RIMS2: variants seen among roughly 807,000 people sequenced by gnomAD.
The protein encoded by RIMS2 is regulating synaptic membrane exocytosis protein 2.
Under a neutral mutation model 174.4 loss-of-function variants are expected in RIMS2, and 59 were observed. That is an observed-to-expected ratio of 0.34 (90% CI 0.27 to 0.42). The LOEUF is 0.42. RIMS2 is among the 10% of genes least tolerant of loss of function. RIMS2 has a pLI of 1.00. For synonymous variants in RIMS2, 606 were observed against 572.5 expected, an observed-to-expected ratio of 1.06 and a Z score of -0.84; for missense variants, 1,620 against 1,666.3, an observed-to-expected ratio of 0.97 and a Z score of 0.48.
At chr8:103,947,545 A>G (rs912484108) in intron 14 of RIMS2, among the ~76,000 whole-genome samples, 11 of 152,222 alleles carry the variant, frequency 7.2e-5, no homozygotes, top group Non-Finnish European at 1.0e-4. Context: ...TAACGCAATG[A>G]TAAGTATTTG....
At chr8:104,039,856 T>C (rs532650214) in intron 19 of RIMS2, among the ~76,000 whole-genome samples, 105 of 151,686 alleles carry the variant, frequency 6.9e-4, no homozygotes, top group African/African-American at 2.5e-3. Context: ...AATCTGAAGA[T>C]TTTTTTTCTA....
At chr8:103,979,888 T>C (rs1241432661) in intron 16 of RIMS2, among the ~76,000 whole-genome samples, 1 of 152,080 alleles carries the variant, frequency 6.6e-6, no homozygotes, top group South Asian at 2.1e-4. Context: ...GAGGGAGCAT[T>C]TGGACCAGAT....
chr8:103,610,679 C>A (rs190253833), intron 1 of RIMS2, among the ~76,000 whole-genome samples: 2 of 152,226 alleles, frequency 1.3e-5, no homozygotes, highest in African/African-American at 4.8e-5. Context: ...CGGCTAAAAC[C>A]AATTTGATTG....
intron 15 of RIMS2, among the ~76,000 whole-genome samples, chr8:103,965,934 G>T (rs2091696000): frequency 6.6e-6 from 1 of 151,802 alleles, no homozygotes; most frequent in Non-Finnish European, 1.5e-5. Flanking sequence ...CTGTTGATGT[G>T]GTGGATTACA....
At chr8:104,247,494 G>A (rs1333564945) in intron 20 of RIMS2, among the ~76,000 whole-genome samples, 1 of 152,104 alleles carries the variant, frequency 6.6e-6, no homozygotes, top group Non-Finnish European at 1.5e-5. Flanking sequence ...CTCTTTAAAG[G>A]GCCTATGGCC....
At chr8:103,897,845 G>GT in intron 4 of RIMS2, among the ~76,000 whole-genome samples, 1 of 151,546 alleles carries the variant, frequency 6.6e-6, no homozygotes. Context: ...CATATAGTTT[G>GT]TTATATCATG....
At chr8:103,883,620 T>G (rs1447754086) in intron 3 of RIMS2, among the ~76,000 whole-genome samples, 1 of 151,896 alleles carries the variant, frequency 6.6e-6, no homozygotes, top group East Asian at 1.9e-4. Flanking sequence ...ACTTTCTTAA[T>G]TATAAAACAT....
intron 1 of RIMS2, among the ~76,000 whole-genome samples, chr8:103,634,554 G>A (rs1276270774): frequency 1.3e-5 from 2 of 152,202 alleles, no homozygotes; most frequent in East Asian, 3.8e-4. Flanking sequence ...ACAATGCTGA[G>A]TTCGGGTTCT....
At chr8:103,899,653 C>G (rs1474718014) in intron 4 of RIMS2, among the ~76,000 whole-genome samples, 1 of 151,540 alleles carries the variant, frequency 6.6e-6, no homozygotes, top group Admixed American at 6.6e-5. Context: ...CAAAAATTTT[C>G]TCCCATTCTG....
At chr8:104,126,960 T>C (rs2098437074) in intron 19 of RIMS2, among the ~76,000 whole-genome samples, 1 of 152,182 alleles carries the variant, frequency 6.6e-6, no homozygotes, top group Non-Finnish European at 1.5e-5. Flanking sequence ...TCATCAGTGC[T>C]ACCCTAAGGC....
intron 1 of RIMS2, among the ~76,000 whole-genome samples, chr8:103,502,791 A>G (rs1004022674): frequency 3.9e-5 from 6 of 152,002 alleles, no homozygotes; most frequent in African/African-American, 1.4e-4. Context: ...TGACTTACCT[A>G]TTTAAATGTA....
intron 1 of RIMS2, among the ~76,000 whole-genome samples, chr8:103,660,254 T>C (rs1051942505): frequency 6.6e-6 from 1 of 152,186 alleles, no homozygotes; most frequent in African/African-American, 2.4e-5. Context: ...AGGCAGCCCG[T>C]GGTGAGGCTG....
intron 3 of RIMS2, among the ~76,000 whole-genome samples, chr8:103,809,464 T>G (rs543876555): frequency 6.6e-6 from 1 of 152,198 alleles, no homozygotes; most frequent in South Asian, 2.1e-4. Context: ...ACTTCCCTTT[T>G]CCTTTTCTTT....
intron 19 of RIMS2, among the ~76,000 whole-genome samples, chr8:104,043,646 G>A (rs1042092898): frequency 7.9e-5 from 12 of 151,544 alleles, no homozygotes; most frequent in South Asian, 2.1e-4. Context: ...GATATCTAAG[G>A]CAATAGAAGC....
At chr8:104,194,638 TG>T (rs1313754710) in intron 19 of RIMS2, among the ~76,000 whole-genome samples, 1 of 151,980 alleles carries the variant, frequency 6.6e-6, no homozygotes, top group Admixed American at 6.6e-5. Context: ...TGACCCAGAG[TG>T]GGTGTTCAAT....
intron 2 of RIMS2, among the ~76,000 whole-genome samples, chr8:103,760,086 T>C (rs2098092274): frequency 6.6e-6 from 1 of 152,158 alleles, no homozygotes; most frequent in Non-Finnish European, 1.5e-5. Context: ...GAGAAATAAA[T>C]ACGCTACCTT....
intron 1 of RIMS2, among the ~76,000 whole-genome samples, chr8:103,616,039 A>G (rs2095496565): frequency 1.1e-4 from 16 of 152,202 alleles, no homozygotes; most frequent in Admixed American, 1.0e-3. Context: ...CATCATCTTG[A>G]TACCAAAACC....
At chr8:103,635,661 C>A (rs963344633) in intron 1 of RIMS2, among the ~76,000 whole-genome samples, 10 of 152,168 alleles carry the variant, frequency 6.6e-5, no homozygotes, top group African/African-American at 2.4e-4. Context: ...GGCTGGAGAC[C>A]CCAGTTAGGA....
chr8:103,906,515 G>C (rs113850996), intron 4 of RIMS2, among the ~76,000 whole-genome samples: 20,221 of 152,130 alleles, frequency 0.13, 1,821 homozygotes, highest in Non-Finnish European at 0.2. Context: ...CTAAGTGCTG[G>C]GATTACAGGC....
Sources: gnomAD v4.1 joint callset for allele counts (sites outside exome capture counted in the v4.1 genomes callset) on GRCh38, gnomAD v4.1.1 for gene constraint, MANE v1.5 for transcripts, NCBI Gene and HGNC (gene_info 2026-07-23, HGNC 2026-07-21) for gene names.